Variants in THSD7A observed in about 807,000 individuals in gnomAD.
THSD7A encodes thrombospondin type 1 domain containing 7A, also known as thrombospondin type-1 domain-containing protein 7A.
Under a neutral mutation model 231.3 loss-of-function variants are expected in THSD7A, and 96 were observed. The ratio of observed to expected loss-of-function variants is 0.41; its 90% CI spans 0.35 to 0.49. The LOEUF (loss-of-function observed/expected upper bound fraction) is 0.49. Ranked by LOEUF, THSD7A falls within the 20% of genes least tolerant of loss-of-function variation. The pLI, the probability that THSD7A is intolerant of heterozygous loss-of-function variation, is 0.05. For synonymous variants in THSD7A, 940 were observed against 743.3 expected (o/e 1.26, Z -4.30); for missense variants, 2,290 against 2,070.2 (o/e 1.11, Z -2.06).
chr7:11,499,079 C>G (rs1231545779), intron 6 of THSD7A, among the ~76,000 whole-genome samples: 3 of 152,180 alleles, frequency 2.0e-5, no homozygotes, highest in South Asian at 2.1e-4. Context: ...TGGAACAGCC[C>G]TTGCCATCCT....
Position 11,428,824 on chromosome 7 carries a change from T to A in THSD7A, c.3243+123A>T. 6 of 1,095,890 alleles carry A rather than the reference T, an allele frequency of 5.5e-6. No homozygotes were observed. In the South Asian group the frequency reaches 1.0e-4, roughly 18 times the overall value. The allele number at this position is 1,095,890 out of a possible 1,614,324, so 67.9% of individuals were successfully genotyped here. A position where few individuals can be genotyped will look rare whatever the true frequency, so the allele number is the denominator to read the frequency against. On this transcript the variant is annotated intron_variant, in intron 14 of 27. Transcript: ENST00000423059. ...CATGTATGTATTTATTCAGGCATTCTAATGGTAAAAATGGGTCAATTTTTT... is the reference window on the plus strand; with the variant it reads ...CATGTATGTATTTATTCAGGCATTCAAATGGTAAAAATGGGTCAATTTTTT...
intron 1 of THSD7A, among the ~76,000 whole-genome samples, chr7:11,703,526 A>G (rs575229263): frequency 5.3e-4 from 80 of 151,294 alleles, no homozygotes; most frequent in South Asian, 1.2e-3. Context: ...TGGAATTAAT[A>G]TTTGTCTTTA....
At chr7:11,627,751 C>A (rs1158529434) in intron 2 of THSD7A, among the ~76,000 whole-genome samples, 1 of 152,024 alleles carries the variant, frequency 6.6e-6, no homozygotes, top group African/African-American at 2.4e-5. Flanking sequence ...TTGGTCAGAC[C>A]AGCTGTCTTG....
At position 11,390,536 on chromosome 7, in the gene THSD7A, A is replaced by G. The variant is rs545648715; in HGVS notation, c.4412-7920T>C. Among the ~76,000 whole-genome samples the G allele has an allele frequency of 2.0e-5, 3 of 152,204 alleles. No individual in the cohort carries two copies. The East Asian group carries it at 5.8e-4, about 29-fold the overall frequency. The stretch of plus-strand genomic sequence containing the variant: ...TTTTCAAGGTTCTTAGCTTCCTTGC[A>G]TTTGGTTAGAACATGCTCTTTTAGC... On this transcript the variant is annotated intron_variant, in intron 23 of 27. Transcript: ENST00000423059.
Position 11,482,500 on chromosome 7 carries a change from T to G in THSD7A, c.1823-518A>C, listed in dbSNP as rs1324706036. Among the ~76,000 whole-genome samples the G allele has an allele frequency of 2.6e-5, 4 of 152,274 alleles. No individual in the cohort carries two copies. In the East Asian group the frequency reaches 7.7e-4, roughly 29 times the overall value. ...GGCAACCTTCTTCTTTCGTAAAAAA[T>G]TGTTTGTTAGTTGGAAATAGACAGG... On this transcript the variant is annotated intron_variant, in intron 6 of 27. Transcript: ENST00000423059.
In THSD7A at chr7:11,634,002, A is replaced by C. The variant is rs902024942; in HGVS notation, c.1022+2128T>G. ...GCCCTGTGCTTTGGTGATGTCATTG[A>C]TTCACTCTTCACTTTATTGGCTTCA... On this transcript the variant is annotated intron_variant, in intron 2 of 27. Coordinates refer to ENST00000423059, the MANE Select transcript of THSD7A (RefSeq NM_015204.3). This position sits in a 1 kb window ranked among gnomAD's most constrained non-coding sequence, Gnocchi z 4.1. Among the ~76,000 whole-genome samples the C allele has an allele frequency of 6.6e-6, 1 of 152,106 alleles. No homozygotes were observed. The highest frequency in any genetic ancestry group is 1.5e-5 in the Non-Finnish European group (1 of 67,994).
At chr7:11,566,487 G>A (rs1001182641) in intron 4 of THSD7A, among the ~76,000 whole-genome samples, 1 of 152,180 alleles carries the variant, frequency 6.6e-6, no homozygotes, top group Non-Finnish European at 1.5e-5. Flanking sequence ...GAGGAACACA[G>A]CTATGAAGGA....
chr7:11,706,514 A>G (rs947077161), intron 1 of THSD7A, among the ~76,000 whole-genome samples: 2 of 150,640 alleles, frequency 1.3e-5, no homozygotes, highest in African/African-American at 2.4e-5. Context: ...AAGGCAAGAC[A>G]CGTGTGTTTG....
intron 1 of THSD7A, among the ~76,000 whole-genome samples, chr7:11,778,652 T>C (rs1006610591): frequency 1.3e-5 from 2 of 152,134 alleles, no homozygotes; most frequent in Non-Finnish European, 1.5e-5. Flanking sequence ...AAGATTAATA[T>C]TTACATTCAG....
At chr7:11,734,426 C>T (rs916938864) in intron 1 of THSD7A, among the ~76,000 whole-genome samples, 1 of 151,976 alleles carries the variant, frequency 6.6e-6, no homozygotes, top group Non-Finnish European at 1.5e-5. Context: ...TTTTCATCCT[C>T]TACACTCCAG....
intron 1 of THSD7A, among the ~76,000 whole-genome samples, chr7:11,829,670 T>C (rs1222222060): frequency 6.6e-6 from 1 of 152,184 alleles, no homozygotes; most frequent in Non-Finnish European, 1.5e-5. Context: ...CATCAAGTGA[T>C]ACACACATAG....
intron 1 of THSD7A, among the ~76,000 whole-genome samples, chr7:11,697,825 C>T (rs1224539790): frequency 6.6e-6 from 1 of 151,288 alleles, no homozygotes; most frequent in Admixed American, 6.6e-5. Flanking sequence ...CAGTTTCCAT[C>T]CTTAGGCACC....
intron 1 of THSD7A, among the ~76,000 whole-genome samples, chr7:11,717,952 T>A (rs1035240507): frequency 6.6e-6 from 1 of 151,638 alleles, no homozygotes; most frequent in Non-Finnish European, 1.5e-5. Context: ...AGTCTACGAT[T>A]TCCAAAATTC....
chr7:11,715,952 G>T (rs562022204), intron 1 of THSD7A, among the ~76,000 whole-genome samples: 3 of 151,380 alleles, frequency 2.0e-5, no homozygotes, highest in African/African-American at 7.3e-5. Flanking sequence ...TAAAAATCTG[G>T]GAGAAACCCA....
At chr7:11,424,431 C>A (rs1007146620) in intron 16 of THSD7A, among the ~76,000 whole-genome samples, 6 of 152,212 alleles carry the variant, frequency 3.9e-5, no homozygotes, top group African/African-American at 1.2e-4. Context: ...GGTTGAAAAT[C>A]TGCATTAGTT....
At chr7:11,739,033 T>C (rs944623465) in intron 1 of THSD7A, among the ~76,000 whole-genome samples, 1 of 152,046 alleles carries the variant, frequency 6.6e-6, no homozygotes, top group African/African-American at 2.4e-5. Context: ...GTGAAGCATG[T>C]AGATCAGTGT....
chr7:11,460,074 A>G (rs568473084), intron 11 of THSD7A, among the ~76,000 whole-genome samples: 1 of 152,194 alleles, frequency 6.6e-6, no homozygotes, highest in South Asian at 2.1e-4. Flanking sequence ...GGCAAAGTTG[A>G]ACATTCTCAT....
At chr7:11,460,824 A>G in intron 10 of THSD7A, 59 bp from the exon 11 acceptor site, 1 of 1,347,112 alleles carries the variant, frequency 7.4e-7, no homozygotes, top group Admixed American at 1.9e-5. Context: ...CAAATCACAG[A>G]GACACAGCAG....
chr7:11,607,001 G>A (rs1780753310), intron 2 of THSD7A, among the ~76,000 whole-genome samples: 1 of 151,402 alleles, frequency 6.6e-6, no homozygotes, highest in African/African-American at 2.4e-5. Context: ...AGAACTTAAA[G>A]TATAATAATA....
Sources: gnomAD v4.1 joint callset for allele counts (sites outside exome capture counted in the v4.1 genomes callset) on GRCh38, gnomAD v4.1.1 for gene constraint, Gnocchi (gnomAD v3.1) non-coding constraint, MANE v1.5 for transcripts, NCBI Gene and HGNC (gene_info 2026-07-23, HGNC 2026-07-21) for gene names.